The following PTPRO variants were observed in gnomAD, a reference collection of about 807,000 sequenced individuals.
PTPRO encodes protein tyrosine phosphatase receptor type O.
Under a neutral mutation model 145.2 loss-of-function variants are expected in PTPRO, and 62 were observed. That is an observed-to-expected ratio of 0.43 (90% confidence interval 0.35 to 0.53). The LOEUF is 0.53. PTPRO is among the 20% of genes least tolerant of loss of function. The pLI, the probability that PTPRO is intolerant of heterozygous loss-of-function variation, is 0.01. For missense variants in PTPRO, 1,345 were observed against 1,482.7 expected (o/e 0.91, Z 1.53); for synonymous variants, 565 against 514.7 (o/e 1.10, Z -1.32).
chr12:15,530,865 A>C (rs1942947655), intron 12 of PTPRO, among the ~76,000 whole-genome samples: 1 of 152,138 alleles, frequency 6.6e-6, no homozygotes. Context: ...GAAGGAAAGA[A>C]ATGTAAAGGT....
At chr12:15,586,157 T>A (rs1464377997) in intron 23 of PTPRO, among the ~76,000 whole-genome samples, 1 of 152,198 alleles carries the variant, frequency 6.6e-6, no homozygotes, top group Non-Finnish European at 1.5e-5. Flanking sequence ...AGTCAAGTCC[T>A]CTAGTATCAA....
chr12:15,449,352 T>G (rs1405470801), intron 1 of PTPRO, among the ~76,000 whole-genome samples: 2 of 152,206 alleles, frequency 1.3e-5, no homozygotes, highest in Admixed American at 6.5e-5. Flanking sequence ...TTACAGTTCA[T>G]CCACATGGAC....
At chr12:15,397,590 A>C (rs1939376552) in intron 1 of PTPRO, among the ~76,000 whole-genome samples, 1 of 152,210 alleles carries the variant, frequency 6.6e-6, no homozygotes, top group East Asian at 1.9e-4. Context: ...GACATCCACA[A>C]CCCTCAGTGC....
chr12:15,408,470 C>T (rs1939705659), intron 1 of PTPRO, among the ~76,000 whole-genome samples: 1 of 152,040 alleles, frequency 6.6e-6, no homozygotes, highest in Non-Finnish European at 1.5e-5. Flanking sequence ...ACTTTGTCGC[C>T]CAGGCTGGTG....
rs770824024 is a variant in PTPRO, at chr12:15,572,445, T to A, written c.2829+2947T>A. On this transcript the variant is annotated intron_variant, in intron 19 of 26. Coordinates refer to ENST00000281171, the MANE Select transcript of PTPRO (RefSeq NM_030667.3). ...TAATGTAATATTACAAAGAAATTGC[T>A]TTCTCATCTGTTAACGTTAAGCTAC... is the stretch of plus-strand genomic sequence containing the variant. 4.3e-4 allele frequency among the ~76,000 whole-genome samples: 66 copies of A among 152,238 alleles called. 1 individual carries two copies. Among genetic ancestry groups the A allele is most frequent in the Admixed American group, 1.3e-4 (2 of 15,276 alleles).
At chr12:15,537,816 G>C (rs1451815657) in intron 12 of PTPRO, among the ~76,000 whole-genome samples, 1 of 152,166 alleles carries the variant, frequency 6.6e-6, no homozygotes, top group Middle Eastern at 3.2e-3. Context: ...AGAGGAGATG[G>C]AACCCGGGGA....
At chr12:15,539,358 C>T (rs11056550) in intron 12 of PTPRO, among the ~76,000 whole-genome samples, 41,517 of 152,036 alleles carry the variant, frequency 0.27, 5,783 homozygotes, top group Middle Eastern at 0.44. Flanking sequence ...TGGGAGCTTT[C>T]TCTGAAAAAC....
At chr12:15,456,464 T>A (rs1941180324) in intron 1 of PTPRO, among the ~76,000 whole-genome samples, 1 of 152,220 alleles carries the variant, frequency 6.6e-6, no homozygotes, top group Admixed American at 6.5e-5. Context: ...GGCATTGGTA[T>A]CAGAGCCAAG....
At chr12:15,471,921 A>G (rs1466343295) in intron 1 of PTPRO, among the ~76,000 whole-genome samples, 1 of 152,154 alleles carries the variant, frequency 6.6e-6, no homozygotes, top group African/African-American at 2.4e-5. Context: ...CGGGACTCTG[A>G]TTTTCCTGAA....
chr12:15,376,926 A>G (rs921296888), intron 1 of PTPRO, among the ~76,000 whole-genome samples: 3 of 152,208 alleles, frequency 2.0e-5, no homozygotes, highest in Non-Finnish European at 2.9e-5. Flanking sequence ...AAATAGAAAA[A>G]GTTTAACTGT....
rs150456894 is a variant in PTPRO at position 15,477,450 on chromosome 12, A to G, written c.76-6524A>G. On this transcript the variant is annotated intron_variant, in intron 1 of 26. Transcript: ENST00000281171. ...GCACCAGCATGGCACATGTATACATATGTAACTAACCTGCACAATGTGCAC... is the reference window on the plus strand; with the variant it reads ...GCACCAGCATGGCACATGTATACATGTGTAACTAACCTGCACAATGTGCAC... Among the ~76,000 whole-genome samples the G allele has an allele frequency of 5.4e-3, 815 of 151,604 alleles. 50 individuals carry two copies. The East Asian group carries it at 0.14, about 25-fold the overall frequency.
At chr12:15,538,077 A>G (rs777707700) in intron 12 of PTPRO, among the ~76,000 whole-genome samples, 140 of 152,050 alleles carry the variant, frequency 9.2e-4, no homozygotes, top group Non-Finnish European at 1.8e-3. Context: ...TTGTTTTCTG[A>G]TTTAGGTTCT....
At position 15,423,374 on chromosome 12, in the gene PTPRO, T is replaced by C. The variant is rs1940198934; in HGVS notation, c.76-60600T>C. Among the ~76,000 whole-genome samples, 3 of 152,172 alleles carry C rather than the reference T, an allele frequency of 2.0e-5. 1 individual carries two copies. The South Asian group carries it at 6.2e-4, about 31-fold the overall frequency. ...TTACAAAGTGTTAAGATGGAAGAAA[T>C]AAACTGGTAAAATATAAGATGGTTT... On this transcript the variant is annotated intron_variant, in intron 1 of 26. Transcript: ENST00000281171.
Position 15,499,610 on chromosome 12 carries a change from A to T in PTPRO, c.661+16A>T. ...CACAGAACTGGTAAGTCTCCTGAAG[A>T]ATCAAATACAGTGAAAAAATAATTC... On this transcript the variant is annotated intron_variant, in intron 4 of 26. Transcript: ENST00000281171. 3.1e-6 allele frequency: 5 copies of T among 1,606,924 alleles called. No individual in the cohort carries two copies. The highest frequency in any genetic ancestry group is 4.3e-6 in the Non-Finnish European group (5 of 1,173,552).
In PTPRO at chr12:15,589,597, A is replaced by T; in HGVS notation, c.3546+7A>T. The T allele has an allele frequency of 6.2e-7, 1 of 1,613,986 alleles. No individual in the cohort carries two copies. Among genetic ancestry groups the T allele is most frequent in the East Asian group, 2.2e-5 (1 of 44,864 alleles). On this transcript the variant is annotated splice_region_variant and intron_variant, in intron 25 of 26. Transcript: ENST00000281171. Reference sequence around the variant, plus strand: ...GTCTATGGTACAGACAGAGGTAGGAACATAATCTATATGTATTTTTAAATT... The same window carrying T: ...GTCTATGGTACAGACAGAGGTAGGATCATAATCTATATGTATTTTTAAATT...
At chr12:15,499,382 C>A in intron 3 of PTPRO, 60 bp from the exon 4 acceptor site, 1 of 1,517,064 alleles carries the variant, frequency 6.6e-7, no homozygotes, top group African/African-American at 1.4e-5. Flanking sequence ...TTCAAACTTT[C>A]CAGAAGTGTG....
At chr12:15,490,473 A>G (rs1376904139) in intron 2 of PTPRO, among the ~76,000 whole-genome samples, 2 of 152,218 alleles carry the variant, frequency 1.3e-5, no homozygotes, top group Admixed American at 6.5e-5. Context: ...TTATTTTTTT[A>G]TACAATTTTC....
chr12:15,378,597 T>A lies in PTPRO; in HGVS notation c.75+55796T>A, dbSNP rs546323679. 3.3e-5 allele frequency among the ~76,000 whole-genome samples: 5 copies of A among 152,222 alleles called. No homozygotes were observed. The South Asian group carries it at 1.0e-3, about 32-fold the overall frequency. ...ATTTCCAGGCCCAATGGCTTTATGA[T>A]GAATTCTACCAAACATTTATGGGAG... On this transcript the variant is annotated intron_variant, in intron 1 of 26. Transcript: ENST00000281171.
chr12:15,562,268 C>T (rs1943792535), intron 17 of PTPRO, among the ~76,000 whole-genome samples: 1 of 152,154 alleles, frequency 6.6e-6, no homozygotes, highest in African/African-American at 2.4e-5. Context: ...CACTCCAATT[C>T]CCTGTTTGCT....
Sources: gnomAD v4.1 joint callset for allele counts (sites outside exome capture counted in the v4.1 genomes callset) on GRCh38, gnomAD v4.1.1 for gene constraint, MANE v1.5 for transcripts, NCBI Gene and HGNC (gene_info 2026-07-23, HGNC 2026-07-21) for gene names.